The following LYST variants were observed in gnomAD, a reference collection of about 807,000 sequenced individuals.
LYST encodes the protein lysosomal trafficking regulator, also known as lysosomal-trafficking regulator.
Under a neutral mutation model 413.6 loss-of-function variants are expected in LYST, and 192 were observed. That is an observed-to-expected ratio of 0.46 (90% CI 0.41 to 0.52). The LOEUF is 0.52. Ranked by LOEUF, LYST falls within the 20% of genes least tolerant of loss-of-function variation. The pLI, the probability that LYST is intolerant of heterozygous loss-of-function variation, is 0.00. For synonymous variants in LYST, 1,525 were observed against 1,567.3 expected (o/e 0.97, Z 0.64); for missense variants, 3,815 against 4,499.9 (o/e 0.85, Z 4.35).
chr1:235,790,048 A>T (rs1361475714), intron 12 of LYST, among the ~76,000 whole-genome samples: 5 of 152,166 alleles, frequency 3.3e-5, no homozygotes. Flanking sequence ...AACTTTTTAT[A>T]TATGTCTACT....
chr1:235,711,445 CT>C (rs1200467902), intron 43 of LYST, among the ~76,000 whole-genome samples: 1 of 152,132 alleles, frequency 6.6e-6, no homozygotes, highest in Non-Finnish European at 1.5e-5. Flanking sequence ...CTTCTTAAAG[CT>C]GTTTCATATG....
chr1:235,879,724 C>T (rs1167139269), intron 1 of LYST, among the ~76,000 whole-genome samples: 1 of 102,766 alleles, frequency 9.7e-6, no homozygotes, highest in African/African-American at 3.9e-5. Flanking sequence ...ATGGATCTAA[C>T]TTCCTTTCTT....
Position 235,729,853 on chromosome 1 carries a change from C to T in LYST, c.9045-196G>A, listed in dbSNP as rs369555253. ...TCTATTAGAAGAGAAATGACTGAAA[C>T]GCCTAGAAAAGGCTAATAATCCCTA... is the stretch of plus-strand genomic sequence containing the variant. On this transcript the variant is annotated intron_variant, in intron 36 of 52. Coordinates refer to ENST00000389793, the MANE Select transcript of LYST (RefSeq NM_000081.4). Among the ~76,000 whole-genome samples the T allele has an allele frequency of 7.1e-3, 1,081 of 152,112 alleles. 15 individuals are homozygous for T. The highest frequency in any genetic ancestry group is 0.021 in the African/African-American group (868 of 41,490).
At chr1:235,698,681 T>C (rs1372316753) in intron 45 of LYST, among the ~76,000 whole-genome samples, 9 of 151,966 alleles carry the variant, frequency 5.9e-5, no homozygotes, top group Admixed American at 2.6e-4. Context: ...ACCATCCTGG[T>C]TAACATGGTG....
chr1:235,762,328 G>A (rs980685815), intron 22 of LYST, among the ~76,000 whole-genome samples: 5 of 152,162 alleles, frequency 3.3e-5, no homozygotes, highest in African/African-American at 1.2e-4. Context: ...AGAGCGGTAA[G>A]ACAAAGTAGA....
chr1:235,757,494 C>T (rs1558197780), intron 23 of LYST, 36 bp from the exon 24 acceptor site: 1 of 1,503,764 alleles, frequency 6.6e-7, no homozygotes, highest in East Asian at 2.3e-5. Flanking sequence ...ACTAACATGA[C>T]AAGAAAAGTA....
chr1:235,774,960 G>GAGTTTTT lies in LYST; in HGVS notation c.5586_5587insAAAAACT (p.Gln1863LysfsTer22). The GAGTTTTT allele has an allele frequency of 6.2e-7, 1 of 1,610,208 alleles. No homozygotes were observed. Among genetic ancestry groups the GAGTTTTT allele is most frequent in the Non-Finnish European group, 8.5e-7 (1 of 1,178,068 alleles). ...ATGCATTTTTGTTTGATCAACACCT[G>GAGTTTTT]ATGAATCATAGAAAGTCCATTACAA... On this transcript the variant is annotated frameshift_variant, in exon 18 of 53. Coordinates refer to ENST00000389793, the MANE Select transcript of LYST (RefSeq NM_000081.4). LOFTEE classifies it high-confidence loss of function.
At position 235,733,488 on chromosome 1, in the gene LYST, C is replaced by A; in HGVS notation, c.8801+15G>T. Reference sequence around the variant, plus strand: ...CTTCATGGAAGACAATTTTAACTGACCTCCCGCAGCTTACCTATCATGTGT... The same window carrying A: ...CTTCATGGAAGACAATTTTAACTGAACTCCCGCAGCTTACCTATCATGTGT... On this transcript the variant is annotated intron_variant, in intron 34 of 52. Coordinates refer to ENST00000389793, the MANE Select transcript of LYST (RefSeq NM_000081.4). The A allele has an allele frequency of 1.2e-6, 2 of 1,611,532 alleles. No homozygotes were observed. Among genetic ancestry groups the A allele is most frequent in the Non-Finnish European group, 1.7e-6 (2 of 1,177,792 alleles).
intron 39 of LYST, among the ~76,000 whole-genome samples, chr1:235,721,800 A>G (rs775420772): frequency 6.6e-6 from 1 of 152,228 alleles, no homozygotes; most frequent in Non-Finnish European, 1.5e-5. Flanking sequence ...GGAGGCATTC[A>G]TTTATTCAAC....
intron 1 of LYST, among the ~76,000 whole-genome samples, chr1:235,880,395 C>T (rs543412199): frequency 1.8e-4 from 28 of 152,074 alleles, no homozygotes; most frequent in Non-Finnish European, 8.8e-5. Context: ...GTTGATTGGT[C>T]AGTTATTCTA....
At chr1:235,720,344 A>G (rs867811135) in intron 40 of LYST, among the ~76,000 whole-genome samples, 3 of 152,136 alleles carry the variant, frequency 2.0e-5, no homozygotes, top group African/African-American at 7.2e-5. Context: ...ATATCATGGA[A>G]TTATTGTCAA....
Position 235,809,636 on chromosome 1 carries a change from A to G in LYST, c.1182T>C (p.Tyr394=). 3 of 1,614,124 alleles carry G rather than the reference A, an allele frequency of 1.9e-6. No homozygotes were observed. The highest frequency in any genetic ancestry group is 2.5e-6 in the Non-Finnish European group (3 of 1,179,998). Residue 394 remains tyrosine (Y), a synonymous_variant, in exon 5 of 53, where the codon TAT becomes TAC. Transcript: ENST00000389793. The surrounding 1 kb of genome is among the most constrained non-coding windows in gnomAD (Gnocchi z 4.0). ...CAGGTAAAAGAAGGGCTCTATGACG[A>G]TACTTTGAAAACACAAAATCTTCCT... ...EVQEDFVFSK[Y]RHRALLLPEL... is the part of the protein sequence containing the mutation.
intron 41 of LYST, among the ~76,000 whole-genome samples, chr1:235,715,857 G>C (rs1482648868): frequency 7.5e-6 from 1 of 133,396 alleles, no homozygotes; most frequent in Non-Finnish European, 1.5e-5. Context: ...TTACAGTGCA[G>C]TTATCAGAGA....
In LYST at chr1:235,753,093, G is replaced by A. The variant is rs1336728712; in HGVS notation, c.7411C>T (p.Leu2471Phe). 1 of 1,606,922 alleles carries A rather than the reference G, an allele frequency of 6.2e-7. No individual in the cohort carries two copies. Among genetic ancestry groups the A allele is most frequent in the Admixed American group, 1.7e-5 (1 of 59,960 alleles). The change falls in exon 26 of 53, where the codon CTC becomes TTC. Residue 2471 changes from leucine to phenylalanine, a missense_variant. Coordinates refer to ENST00000389793, the MANE Select transcript of LYST (RefSeq NM_000081.4). ...VADMLLDNGL[L>F]YVLCNTVAAL... ...GCTACTGTATTACATAACACATAGA[G>A]TAGACCATTATCCAGCAACATATCT...
At chr1:235,822,145 GCCTC>G in intron 3 of LYST, among the ~76,000 whole-genome samples, 1 of 152,330 alleles carries the variant, frequency 6.6e-6, no homozygotes, top group South Asian at 2.1e-4. Flanking sequence ...ATGAAAAAAG[GCCTC>G]TGGGCGCCCA....
Position 235,733,711 on chromosome 1 carries a change from G to A in LYST, c.8613-20C>T, listed in dbSNP as rs768851571. 1 of 1,595,232 alleles carries A rather than the reference G, an allele frequency of 6.3e-7. No individual in the cohort carries two copies. Among genetic ancestry groups the A allele is most frequent in the Admixed American group, 1.7e-5 (1 of 59,962 alleles). ...AAGAGACTAAACAAATAATAAGATTGTCCATAGTTAAGCATACATGGAACG... is the reference window on the plus strand; with the variant it reads ...AAGAGACTAAACAAATAATAAGATTATCCATAGTTAAGCATACATGGAACG... On this transcript the variant is annotated intron_variant, in intron 33 of 52. Coordinates refer to ENST00000389793, the MANE Select transcript of LYST (RefSeq NM_000081.4).
chr1:235,717,905 T>TC (rs964398098), intron 40 of LYST, among the ~76,000 whole-genome samples: 4 of 151,754 alleles, frequency 2.6e-5, no homozygotes, highest in African/African-American at 9.7e-5. Context: ...TTTTTTTTTT[T>TC]CACTCTGGAG....
At chr1:235,669,510 C>T (rs1392614916) in intron 50 of LYST, among the ~76,000 whole-genome samples, 1 of 152,222 alleles carries the variant, frequency 6.6e-6, no homozygotes, top group Non-Finnish European at 1.5e-5. Context: ...TGTAACTTCA[C>T]CTTAGCCTAC....
intron 1 of LYST, among the ~76,000 whole-genome samples, chr1:235,877,123 C>T (rs1681171808): frequency 6.6e-6 from 1 of 152,240 alleles, no homozygotes; most frequent in African/African-American, 2.4e-5. Flanking sequence ...CCTAAAATGT[C>T]TGTGGGATCC....
Sources: allele counts gnomAD v4.1 joint callset (sites outside exome capture counted in the v4.1 genomes callset), GRCh38; gene constraint gnomAD v4.1.1; non-coding constraint Gnocchi (gnomAD v3.1); transcripts MANE v1.5; gene names NCBI Gene and HGNC (gene_info 2026-07-23, HGNC 2026-07-21).